Variants in PIEZO2 observed in about 807,000 individuals in gnomAD.
PIEZO2 encodes piezo type mechanosensitive ion channel component 2.
Under a neutral mutation model 337.3 loss-of-function variants are expected in PIEZO2, and 172 were observed. The ratio of observed to expected loss-of-function variants is 0.51; its 90% confidence interval spans 0.45 to 0.58. The LOEUF (loss-of-function observed/expected upper bound fraction) is 0.58, where lower values mean the gene tolerates loss of function less well. PIEZO2 is among the 20% of genes least tolerant of loss of function. The probability of loss-of-function intolerance (pLI) is 0.00; values close to 1 mark genes in which losing one functional copy is unlikely to be tolerated. For missense variants in PIEZO2, 3,028 were observed against 3,391.3 expected (o/e 0.89, Z 2.66); for synonymous variants, 1,251 against 1,228.5 (o/e 1.02, Z -0.38).
In PIEZO2 at chr18:10,759,412, A is replaced by C; in HGVS notation, c.3757+70T>G. The C allele has an allele frequency of 6.2e-6, 8 of 1,280,974 alleles. No individual in the cohort carries two copies. The highest frequency in any genetic ancestry group is 2.6e-5 in the South Asian group (2 of 78,144). 79.4% of individuals were successfully genotyped at this position (1,280,974 alleles called of 1,614,324 possible). Reference sequence around the variant, plus strand: ...TGGAAGACAAAAGGCACTAATGCATAGCACGTGAACAATGATTAACAGTAA... The same window carrying C: ...TGGAAGACAAAAGGCACTAATGCATCGCACGTGAACAATGATTAACAGTAA... On this transcript the variant is annotated intron_variant, in intron 26 of 55. Coordinates refer to ENST00000674853, the MANE Select transcript of PIEZO2 (RefSeq NM_001378183.1). This position sits in a 1 kb window ranked among gnomAD's most constrained non-coding sequence, Gnocchi z 5.5.
chr18:10,715,920 C>T, intron 37 of PIEZO2, 104 bp from the exon 38 acceptor site: 2 of 901,428 alleles, frequency 2.2e-6, no homozygotes, highest in Non-Finnish European at 3.3e-6. Context: ...TGGCTCTTGG[C>T]CCGTGCATCT....
At chr18:10,714,118 T>C (rs2035921083) in intron 39 of PIEZO2, among the ~76,000 whole-genome samples, 1 of 152,204 alleles carries the variant, frequency 6.6e-6, no homozygotes, top group Admixed American at 6.5e-5. Context: ...TTAATCTCCC[T>C]GTAACCGAAT....
Position 10,744,198 on chromosome 18 carries a change from T to G in PIEZO2, c.4458A>C (p.Lys1486Asn), listed in dbSNP as rs956535313. The part of the protein sequence containing the change: ...GAELFQATIV[K>N]AVKARIEEEK... Reference sequence around the variant, plus strand: ...CTTCCTCAATTCTTGCCTTTACAGCTTTTACAATTGTGGCCTGGAAAAGTT... The same window carrying G: ...CTTCCTCAATTCTTGCCTTTACAGCGTTTACAATTGTGGCCTGGAAAAGTT... The change falls in exon 31 of 56, where the codon AAA becomes AAC. Residue 1486 changes from lysine to asparagine, a missense_variant. By Grantham distance (94) the Lys-to-Asn change is moderately conservative. Around this residue, in one of 5 missense-constraint regions of PIEZO2, gnomAD observed 1,925 missense variants for 2,051.9 expected, o/e 0.94. Transcript: ENST00000674853. The G allele has an allele frequency of 3.3e-6, 5 of 1,536,780 alleles. No individual in the cohort carries two copies. In the African/African-American group the frequency reaches 6.8e-5, roughly 21 times the overall value.
In PIEZO2 at chr18:10,979,778, T is replaced by A; in HGVS notation, c.161-118A>T. The A allele has an allele frequency of 1.1e-6, 1 of 887,914 alleles. No individual in the cohort carries two copies. Among genetic ancestry groups the A allele is most frequent in the African/African-American group, 1.7e-5 (1 of 59,620 alleles). 55.0% of individuals were successfully genotyped at this position (887,914 alleles called of 1,614,324 possible). ...TAGACCGACTCAAAAGTATATGGAA[T>A]GTAATAATTATCATCTTAATTATTA... On this transcript the variant is annotated intron_variant, in intron 2 of 55. Transcript: ENST00000674853. This position sits in a 1 kb window ranked among gnomAD's most constrained non-coding sequence, Gnocchi z 4.0.
chr18:10,882,749 T>A (rs576903616), intron 4 of PIEZO2, among the ~76,000 whole-genome samples: 23 of 152,018 alleles, frequency 1.5e-4, no homozygotes, highest in African/African-American at 5.5e-4. Flanking sequence ...TCATTTAACA[T>A]AATCACCTCC....
intron 3 of PIEZO2, among the ~76,000 whole-genome samples, chr18:10,960,050 A>G (rs186797983): frequency 6.6e-6 from 1 of 152,322 alleles, no homozygotes; most frequent in Admixed American, 6.5e-5. Flanking sequence ...AAATTATCAA[A>G]TTGAAGTAAA....
In PIEZO2 at chr18:11,021,283, G is replaced by A. The variant is rs984830208; in HGVS notation, c.161-41623C>T. Among the ~76,000 whole-genome samples, 4 of 152,136 alleles carry A rather than the reference G, an allele frequency of 2.6e-5. No homozygotes were observed. The highest frequency in any genetic ancestry group is 7.2e-5 in the African/African-American group (3 of 41,432). ...TCTCCCTGGAAAGAACTCCCAAACC[G>A]GTTTTCCATGGACCCAAAGTCAGTG... On this transcript the variant is annotated intron_variant, in intron 2 of 55. Transcript: ENST00000674853. The surrounding 1 kb of genome is among the most constrained non-coding windows in gnomAD (Gnocchi z 4.7).
At chr18:11,106,674 A>C (rs1405693542) in intron 1 of PIEZO2, among the ~76,000 whole-genome samples, 1 of 152,038 alleles carries the variant, frequency 6.6e-6, no homozygotes, top group African/African-American at 2.4e-5. Context: ...CAGCCTCCCC[A>C]AAGTCCTGGG....
Position 11,048,245 on chromosome 18 carries a change from T to G in PIEZO2, c.160+17882A>C, listed in dbSNP as rs1160692602. 6.6e-6 allele frequency among the ~76,000 whole-genome samples: 1 copy of G among 152,144 alleles called. No homozygotes were observed. The highest frequency in any genetic ancestry group is 1.5e-5 in the Non-Finnish European group (1 of 68,024). ...AAATAAATCTAGGCAAAATTAACTT[T>G]TTAAAAAATGGAGAAAGGGAAGAGG... On this transcript the variant is annotated intron_variant, in intron 2 of 55. Coordinates refer to ENST00000674853, the MANE Select transcript of PIEZO2 (RefSeq NM_001378183.1). This position sits in a 1 kb window ranked among gnomAD's most constrained non-coding sequence, Gnocchi z 4.5.
chr18:11,060,504 T>C lies in PIEZO2; in HGVS notation c.160+5623A>G, dbSNP rs534722298. 1.9e-3 allele frequency among the ~76,000 whole-genome samples: 286 copies of C among 152,106 alleles called. 2 individuals carry two copies. The highest frequency in any genetic ancestry group is 2.6e-3 in the Non-Finnish European group (176 of 67,980). ...GAAAAGATCAACAAAATTGATAGAC[T>C]GCTAGCAAGACTAATAAAGAAGAAA... On this transcript the variant is annotated intron_variant, in intron 2 of 55. Coordinates refer to ENST00000674853, the MANE Select transcript of PIEZO2 (RefSeq NM_001378183.1).
intron 3 of PIEZO2, among the ~76,000 whole-genome samples, chr18:10,972,815 C>A (rs2034295703): frequency 1.3e-5 from 2 of 152,134 alleles, no homozygotes; most frequent in African/African-American, 4.8e-5. Context: ...ATTAGGACTT[C>A]TCTAATAACA....
chr18:10,992,547 G>T (rs544453371), intron 2 of PIEZO2, among the ~76,000 whole-genome samples: 142 of 152,218 alleles, frequency 9.3e-4, no homozygotes, highest in Non-Finnish European at 1.5e-3. Flanking sequence ...TTGTAGATGT[G>T]TGTGATTTCT....
chr18:11,055,827 G>A (rs1171166380), intron 2 of PIEZO2, among the ~76,000 whole-genome samples: 4 of 152,232 alleles, frequency 2.6e-5, no homozygotes, highest in African/African-American at 9.6e-5. Context: ...CTGGCCGAGT[G>A]TGTGCACCCT....
At chr18:10,961,108 G>A (rs1468415008) in intron 3 of PIEZO2, among the ~76,000 whole-genome samples, 1 of 151,908 alleles carries the variant, frequency 6.6e-6, no homozygotes, top group Admixed American at 6.6e-5. Context: ...GTGAACCCGG[G>A]AGGCAGAGCT....
At chr18:10,866,797 A>G (rs2144761260) in intron 5 of PIEZO2, among the ~76,000 whole-genome samples, 1 of 152,364 alleles carries the variant, frequency 6.6e-6, no homozygotes, top group East Asian at 1.9e-4. Context: ...GACAATAAAT[A>G]GATCCATGAC....
intron 2 of PIEZO2, among the ~76,000 whole-genome samples, chr18:10,989,926 G>C (rs1324888899): frequency 6.6e-5 from 10 of 152,214 alleles, no homozygotes; most frequent in African/African-American, 2.4e-4. Flanking sequence ...CTCCGACCCA[G>C]TCATCACATT....
chr18:10,944,883 G>A (rs777374083), intron 3 of PIEZO2, among the ~76,000 whole-genome samples: 1 of 151,946 alleles, frequency 6.6e-6, no homozygotes, highest in Non-Finnish European at 1.5e-5. Flanking sequence ...GGTTCCTAAG[G>A]GGGGAGAAAA....
intron 27 of PIEZO2, among the ~76,000 whole-genome samples, chr18:10,756,406 T>C (rs2037850976): frequency 7.2e-6 from 1 of 137,996 alleles, no homozygotes; most frequent in Non-Finnish European, 1.5e-5. Flanking sequence ...GGAGGACGGA[T>C]GGAAGAGGAG....
chr18:10,704,610 G>A lies in PIEZO2; in HGVS notation c.6042C>T (p.Tyr2014=), dbSNP rs757863704. The change falls in exon 42 of 56, where the codon TAC becomes TAT. Residue 2014 remains tyrosine (Y), a synonymous_variant. Coordinates refer to ENST00000674853, the MANE Select transcript of PIEZO2 (RefSeq NM_001378183.1). ...GCAGCAGAAATCGGGGCTGCCCCAC[G>A]TAGAATTTCTCTGACTCTTCAAGCT... is the stretch of plus-strand genomic sequence containing the variant. The part of the protein sequence containing the change: ...DDELEESEKF[Y]VGQPRFLLLF... 3.8e-5 allele frequency: 58 copies of A among 1,537,240 alleles called. No individual in the cohort carries two copies. Among genetic ancestry groups the A allele is most frequent in the East Asian group, 2.9e-4 (12 of 40,924 alleles).
Sources: allele counts gnomAD v4.1 joint callset (sites outside exome capture counted in the v4.1 genomes callset), GRCh38; gene constraint gnomAD v4.1.1; regional missense constraint gnomAD v4.1.1; non-coding constraint Gnocchi (gnomAD v3.1); transcripts MANE v1.5; gene names NCBI Gene and HGNC (gene_info 2026-07-23, HGNC 2026-07-21).